The following CSMD3 variants were observed in gnomAD, a reference collection of about 807,000 sequenced individuals.
The protein encoded by CSMD3 is CUB and Sushi multiple domains 3, also known as CUB and sushi domain-containing protein 3.
In CSMD3, 177 loss-of-function variants were observed where a neutral mutation model predicts 435.2. That is an observed-to-expected ratio of 0.41 (90% CI 0.36 to 0.46). The LOEUF is 0.46. Ranked by LOEUF, CSMD3 falls within the 20% of genes least tolerant of loss-of-function variation. The probability of loss-of-function intolerance (pLI) is 0.34; values close to 1 mark genes in which losing one functional copy is unlikely to be tolerated. For synonymous variants in CSMD3, 1,656 were observed against 1,520.5 expected (o/e 1.09, Z -2.07); for missense variants, 4,265 against 4,504.6 (o/e 0.95, Z 1.52).
chr8:112,976,252 T>C, intron 6 of CSMD3, 104 bp from the exon 7 acceptor site: 1 of 1,340,720 alleles, frequency 7.5e-7, no homozygotes, highest in South Asian at 1.3e-5. Context: ...ACCTTAAGGA[T>C]AATCAACATG....
chr8:113,027,780 T>A (rs925779092), intron 5 of CSMD3, among the ~76,000 whole-genome samples: 1 of 152,122 alleles, frequency 6.6e-6, no homozygotes, highest in African/African-American at 2.4e-5. Flanking sequence ...CTCTTCTGAT[T>A]TCCCACTTAT....
intron 6 of CSMD3, among the ~76,000 whole-genome samples, chr8:112,977,816 G>T (rs924943890): frequency 2.0e-5 from 3 of 151,962 alleles, no homozygotes; most frequent in African/African-American, 7.2e-5. Context: ...CTATTTCATA[G>T]ATCAGAATCT....
intron 51 of CSMD3, 28 bp from the exon 52 acceptor site, chr8:112,304,943 C>T (rs771934893): frequency 1.2e-5 from 19 of 1,546,178 alleles, no homozygotes; most frequent in East Asian, 6.8e-5. Context: ...GGTGTAATTG[C>T]TAACAAATCA....
intron 22 of CSMD3, among the ~76,000 whole-genome samples, chr8:112,603,858 T>A (rs1044914847): frequency 1.3e-5 from 2 of 152,076 alleles, no homozygotes; most frequent in Non-Finnish European, 2.9e-5. Flanking sequence ...AACTGCATGA[T>A]GAATGTGTAA....
intron 32 of CSMD3, among the ~76,000 whole-genome samples, chr8:112,438,874 G>A (rs754455903): frequency 6.6e-5 from 10 of 152,130 alleles, no homozygotes; most frequent in Non-Finnish European, 1.3e-4. Context: ...CATTTCTAAT[G>A]AGTTTATTAA....
At chr8:112,524,363 T>C (rs941396913) in intron 27 of CSMD3, among the ~76,000 whole-genome samples, 1 of 151,884 alleles carries the variant, frequency 6.6e-6, no homozygotes, top group African/African-American at 2.4e-5. Context: ...ATAAAAATTA[T>C]GTAAAAATGG....
At chr8:112,612,182 G>C (rs1833307493) in intron 22 of CSMD3, among the ~76,000 whole-genome samples, 1 of 151,976 alleles carries the variant, frequency 6.6e-6, no homozygotes, top group South Asian at 2.1e-4. Flanking sequence ...ATTTTCCTGA[G>C]AAAAAAATCT....
intron 3 of CSMD3, among the ~76,000 whole-genome samples, chr8:113,270,726 C>A (rs139627044): frequency 0.1 from 15,081 of 148,704 alleles, 1,128 homozygotes; most frequent in African/African-American, 0.21. Flanking sequence ...ATCGCAAGGA[C>A]AAAATACCAA....
At chr8:112,725,363 C>G (rs893672803) in intron 13 of CSMD3, among the ~76,000 whole-genome samples, 2 of 151,862 alleles carry the variant, frequency 1.3e-5, no homozygotes, top group Non-Finnish European at 2.9e-5. Context: ...GGAAGAAAGT[C>G]ACCAAAAACA....
At chr8:112,364,625 A>G (rs1827586175) in intron 38 of CSMD3, among the ~76,000 whole-genome samples, 1 of 152,080 alleles carries the variant, frequency 6.6e-6, no homozygotes, top group South Asian at 2.1e-4. Flanking sequence ...AATCAGGCAA[A>G]GAGTCTAATC....
intron 1 of CSMD3, among the ~76,000 whole-genome samples, chr8:113,394,096 G>A (rs2094472708): frequency 6.6e-6 from 1 of 151,230 alleles, no homozygotes; most frequent in South Asian, 2.1e-4. Flanking sequence ...TTGTTGGCAA[G>A]TACAAGTATA....
intron 3 of CSMD3, among the ~76,000 whole-genome samples, chr8:113,232,060 A>T (rs1024905987): frequency 1.3e-4 from 19 of 151,476 alleles, no homozygotes; most frequent in Non-Finnish European, 1.9e-4. Context: ...ATTCACAAAG[A>T]ATTTATACCC....
chr8:112,553,644 A>C (rs1827874242), intron 25 of CSMD3, among the ~76,000 whole-genome samples: 1 of 152,042 alleles, frequency 6.6e-6, no homozygotes, highest in Non-Finnish European at 1.5e-5. Context: ...TTTTAAAACA[A>C]GTGACTCCAT....
At chr8:112,580,229 T>TTATG (rs1326258106) in intron 23 of CSMD3, among the ~76,000 whole-genome samples, 1 of 152,010 alleles carries the variant, frequency 6.6e-6, no homozygotes, top group East Asian at 1.9e-4. Context: ...ATTGAAAGAA[T>TTATG]TAATTAGATT....
At chr8:113,396,003 T>C (rs528246716) in intron 1 of CSMD3, among the ~76,000 whole-genome samples, 1 of 152,234 alleles carries the variant, frequency 6.6e-6, no homozygotes, top group South Asian at 2.1e-4. Flanking sequence ...TCCTCCCAAA[T>C]TGAAATCAGT....
At chr8:112,998,092 A>C (rs1385550503) in intron 6 of CSMD3, among the ~76,000 whole-genome samples, 1 of 151,628 alleles carries the variant, frequency 6.6e-6, no homozygotes, top group Non-Finnish European at 1.5e-5. Context: ...TACATTACAT[A>C]ATTTTATTTT....
At chr8:112,627,868 A>T (rs909216211) in intron 22 of CSMD3, among the ~76,000 whole-genome samples, 3 of 152,186 alleles carry the variant, frequency 2.0e-5, no homozygotes, top group Admixed American at 6.5e-5. Flanking sequence ...AGTTTGTGGC[A>T]GACACACAGA....
chr8:113,016,828 G>T (rs1395094358), intron 6 of CSMD3, among the ~76,000 whole-genome samples: 1 of 151,730 alleles, frequency 6.6e-6, no homozygotes, highest in Non-Finnish European at 1.5e-5. Context: ...ACAGAATTAT[G>T]ATTTTGCAGC....
At chr8:113,371,943 T>C (rs987952793) in intron 1 of CSMD3, among the ~76,000 whole-genome samples, 7 of 152,146 alleles carry the variant, frequency 4.6e-5, no homozygotes, top group Non-Finnish European at 8.8e-5. Context: ...GAGAACAATA[T>C]TATAGCAAGT....
Sources: allele counts gnomAD v4.1 joint callset (sites outside exome capture counted in the v4.1 genomes callset), GRCh38; gene constraint gnomAD v4.1.1; transcripts MANE v1.5; gene names NCBI Gene and HGNC (gene_info 2026-07-23, HGNC 2026-07-21).